NRXN1: variants seen among roughly 807,000 people sequenced by gnomAD.
NRXN1 encodes neurexin 1, also known as neurexin-1.
In NRXN1, 39 loss-of-function variants were observed where a neutral mutation model predicts 150.9. That is an observed-to-expected ratio of 0.26 (90% confidence interval 0.20 to 0.34). The LOEUF (loss-of-function observed/expected upper bound fraction) is 0.34. NRXN1 is among the 10% of genes least tolerant of loss of function. The probability of loss-of-function intolerance (pLI) is 1.00; values close to 1 mark genes in which losing one functional copy is unlikely to be tolerated. For missense variants in NRXN1, 1,815 were observed against 1,949.9 expected, an observed-to-expected ratio of 0.93 and a Z score of 1.30; for synonymous variants, 924 against 757.0, an observed-to-expected ratio of 1.22 and a Z score of -3.62.
intron 17 of NRXN1, among the ~76,000 whole-genome samples, chr2:50,289,403 T>A (rs897172228): frequency 6.6e-6 from 1 of 152,122 alleles, no homozygotes; most frequent in Admixed American, 6.5e-5. Flanking sequence ...ATGCAAATTT[T>A]AGTAGTAATG....
intron 17 of NRXN1, among the ~76,000 whole-genome samples, chr2:50,265,610 G>A (rs974294928): frequency 1.3e-5 from 2 of 152,066 alleles, no homozygotes; most frequent in African/African-American, 2.4e-5. Flanking sequence ...CAATAGCAAC[G>A]AACAAAGAAG....
At chr2:50,516,525 G>A (rs1668807163) in intron 12 of NRXN1, among the ~76,000 whole-genome samples, 1 of 152,162 alleles carries the variant, frequency 6.6e-6, no homozygotes, top group African/African-American at 2.4e-5. Context: ...CATGGTCTCT[G>A]GGGTATCAGA....
chr2:50,594,283 G>A (rs1012482915), intron 8 of NRXN1, among the ~76,000 whole-genome samples: 43 of 152,102 alleles, frequency 2.8e-4, no homozygotes, highest in African/African-American at 1.0e-3. Context: ...ATGTATGCTC[G>A]CATTTCCTTG....
chr2:50,454,787 CAG>C (rs2087372288), intron 17 of NRXN1, among the ~76,000 whole-genome samples: 1 of 151,260 alleles, frequency 6.6e-6, no homozygotes, highest in Non-Finnish European at 1.5e-5. Context: ...ATACCAAAAA[CAG>C]AAGAATGAGA....
At chr2:50,930,156 C>G (rs1687525165) in intron 2 of NRXN1, among the ~76,000 whole-genome samples, 1 of 152,042 alleles carries the variant, frequency 6.6e-6, no homozygotes, top group African/African-American at 2.4e-5. Flanking sequence ...GCTTGGAGTA[C>G]TCATCCTAGG....
chr2:50,563,348 T>C (rs1210172586), intron 8 of NRXN1, among the ~76,000 whole-genome samples: 2 of 152,248 alleles, frequency 1.3e-5, no homozygotes, highest in African/African-American at 4.8e-5. Context: ...AACAATAATT[T>C]ATTAGTTGGA....
chr2:50,555,368 G>A (rs1460728306), intron 8 of NRXN1, among the ~76,000 whole-genome samples: 4 of 152,138 alleles, frequency 2.6e-5, no homozygotes, highest in Non-Finnish European at 5.9e-5. Context: ...GGCAGTCTAA[G>A]TCTGGGCAAG....
intron 5 of NRXN1, among the ~76,000 whole-genome samples, chr2:50,642,492 T>C (rs936780462): frequency 1.3e-5 from 2 of 151,972 alleles, no homozygotes; most frequent in African/African-American, 4.8e-5. Flanking sequence ...CGATCTAAGG[T>C]GACATCATGA....
intron 8 of NRXN1, among the ~76,000 whole-genome samples, chr2:50,579,016 C>G (rs1440854997): frequency 6.6e-6 from 1 of 152,124 alleles, no homozygotes; most frequent in East Asian, 1.9e-4. Context: ...GATTTATTTT[C>G]CCTTAAGCTG....
Position 50,284,349 on chromosome 2 carries a change from A to G in NRXN1, c.3365-47379T>C, listed in dbSNP as rs1471422147. On this transcript the variant is annotated intron_variant, in intron 17 of 22. Transcript: ENST00000401669. ...GAACACTGTTCACTCAGCAAATGAC[A>G]GTCCAAATGATGTTCCCCTATGGAG... Among the ~76,000 whole-genome samples the G allele has an allele frequency of 2.0e-5, 3 of 152,200 alleles. No individual in the cohort carries two copies. The East Asian group carries it at 5.8e-4, about 29-fold the overall frequency.
intron 8 of NRXN1, among the ~76,000 whole-genome samples, chr2:50,581,964 T>C (rs1321280003): frequency 1.3e-5 from 2 of 152,262 alleles, no homozygotes; most frequent in Admixed American, 6.5e-5. Flanking sequence ...GCCGTATACA[T>C]AGTAATATTT....
At chr2:50,171,336 C>G (rs560018374) in intron 18 of NRXN1, among the ~76,000 whole-genome samples, 1 of 152,088 alleles carries the variant, frequency 6.6e-6, no homozygotes, top group Non-Finnish European at 1.5e-5. Context: ...ATGAATCTTA[C>G]TATTCAAATA....
chr2:50,265,995 A>ATTT (rs1491084411), intron 17 of NRXN1, among the ~76,000 whole-genome samples: 1 of 76,860 alleles, frequency 1.3e-5, no homozygotes, highest in Non-Finnish European at 2.5e-5. Flanking sequence ...TATTATTATT[A>ATTT]TTATTTATTT....
intron 15 of NRXN1, among the ~76,000 whole-genome samples, chr2:50,495,116 G>C (rs1225122757): frequency 6.6e-6 from 1 of 151,802 alleles, no homozygotes; most frequent in Non-Finnish European, 1.5e-5. Context: ...GAGAATAACA[G>C]GCTAATAATA....
chr2:50,378,657 T>C (rs1418630828), intron 17 of NRXN1, among the ~76,000 whole-genome samples: 1 of 152,112 alleles, frequency 6.6e-6, no homozygotes, highest in Non-Finnish European at 1.5e-5. Flanking sequence ...TTTAGGAGTA[T>C]TAATAATATG....
At chr2:50,386,274 G>A (rs964644819) in intron 17 of NRXN1, among the ~76,000 whole-genome samples, 1 of 151,926 alleles carries the variant, frequency 6.6e-6, no homozygotes, top group African/African-American at 2.4e-5. Context: ...CTGCACTTAA[G>A]GTTTAAAAGA....
intron 19 of NRXN1, among the ~76,000 whole-genome samples, chr2:50,072,173 T>C (rs910484003): frequency 2.6e-5 from 4 of 152,244 alleles, no homozygotes; most frequent in Admixed American, 2.6e-4. Flanking sequence ...TACTACCATT[T>C]TCTTCACTTT....
At chr2:49,998,409 C>T (rs1222839571) in intron 21 of NRXN1, among the ~76,000 whole-genome samples, 1 of 152,146 alleles carries the variant, frequency 6.6e-6, no homozygotes, top group Non-Finnish European at 1.5e-5. Flanking sequence ...GAATTCCCTT[C>T]AAGATAGGGA....
chr2:50,979,150 C>A, intron 2 of NRXN1: 1 of 439,286 alleles, frequency 2.3e-6, no homozygotes, highest in South Asian at 1.7e-5. Flanking sequence ...CTTGATATAG[C>A]TAAAACACAT....
Sources: gnomAD v4.1 joint callset for allele counts (sites outside exome capture counted in the v4.1 genomes callset) on GRCh38, gnomAD v4.1.1 for gene constraint, MANE v1.5 for transcripts, NCBI Gene and HGNC (gene_info 2026-07-23, HGNC 2026-07-21) for gene names.